Variants in PREX1 observed in about 807,000 individuals in gnomAD.
The protein encoded by PREX1 is phosphatidylinositol-3,4,5-trisphosphate dependent Rac exchange factor 1.
Under a neutral mutation model 198.3 loss-of-function variants are expected in PREX1, and 41 were observed. That is an observed-to-expected ratio of 0.21 (90% CI 0.16 to 0.27). The LOEUF is 0.27. Ranked by LOEUF, PREX1 falls within the 10% of genes least tolerant of loss-of-function variation. The pLI is 1.00. For synonymous variants in PREX1, 843 were observed against 887.2 expected (o/e 0.95, Z 0.89); for missense variants, 1,620 against 2,200.7 (o/e 0.74, Z 5.28).
chr20:48,767,893 C>T (rs1256611133), intron 1 of PREX1, among the ~76,000 whole-genome samples: 1 of 152,202 alleles, frequency 6.6e-6, no homozygotes, highest in Non-Finnish European at 1.5e-5. Flanking sequence ...AAGTCGCCCC[C>T]GAGCCACCCT....
chr20:48,865,186 T>A, the PREX1 span, among the ~76,000 whole-genome samples: 1 of 152,310 alleles, frequency 6.6e-6, no homozygotes, highest in East Asian at 1.9e-4. Flanking sequence ...CAGAGCAGTT[T>A]TCTAAAACAA....
chr20:48,740,973 T>G (rs1422460223), intron 3 of PREX1, among the ~76,000 whole-genome samples: 1 of 152,262 alleles, frequency 6.6e-6, no homozygotes, highest in Non-Finnish European at 1.5e-5. Flanking sequence ...CAAATTTCTC[T>G]TTTTAAATAA....
intron 5 of PREX1, among the ~76,000 whole-genome samples, chr20:48,716,188 C>T (rs751341209): frequency 2.6e-5 from 4 of 152,194 alleles, no homozygotes; most frequent in Admixed American, 6.5e-5. Flanking sequence ...CCCCAGCATC[C>T]GCCCCTCGAG....
chr20:48,867,354 G>A, the PREX1 span, among the ~76,000 whole-genome samples: 1 of 152,228 alleles, frequency 6.6e-6, no homozygotes, highest in Non-Finnish European at 1.5e-5. Flanking sequence ...GAATCATAGA[G>A]GCAGGAGAGA....
intron 1 of PREX1, among the ~76,000 whole-genome samples, chr20:48,750,210 C>T (rs1047918956): frequency 6.6e-6 from 1 of 152,142 alleles, no homozygotes; most frequent in African/African-American, 2.4e-5. Flanking sequence ...ACCACTGGTC[C>T]CCATCTCCAC....
At chr20:48,791,190 A>G (rs183774728) in intron 1 of PREX1, among the ~76,000 whole-genome samples, 1 of 152,320 alleles carries the variant, frequency 6.6e-6, no homozygotes, top group Admixed American at 6.5e-5. Flanking sequence ...TCCCTTCGGT[A>G]AACACAGACA....
At chr20:48,863,586 CTTTTTTT>C in the PREX1 span, among the ~76,000 whole-genome samples, 7 of 104,304 alleles carry the variant, frequency 6.7e-5, no homozygotes, top group African/African-American at 1.1e-4. Context: ...TTCATATTGT[CTTTTTTT>C]TTTTTTTTTT....
chr20:48,644,601 C>A, intron 26 of PREX1, 104 bp from the exon 27 acceptor site: 1 of 1,016,786 alleles, frequency 9.8e-7, no homozygotes, highest in Non-Finnish European at 1.4e-6. Flanking sequence ...CCCCTGGGCC[C>A]TCAGGTGGGC....
chr20:48,846,828 A>G, the PREX1 span, among the ~76,000 whole-genome samples: 3 of 151,730 alleles, frequency 2.0e-5, no homozygotes, highest in African/African-American at 7.3e-5. Context: ...CCTGCTGGAC[A>G]CTCCCGTCTA....
At chr20:48,640,001 T>C in intron 29 of PREX1, 107 bp from the exon 30 acceptor site, 3 of 1,418,190 alleles carry the variant, frequency 2.1e-6, no homozygotes, top group South Asian at 1.3e-5. Flanking sequence ...CTCATAATCC[T>C]AGATCAAGGG....
chr20:48,651,641 G>T, intron 21 of PREX1, 58 bp from the exon 22 acceptor site: 5 of 1,536,694 alleles, frequency 3.3e-6, no homozygotes, highest in Non-Finnish European at 4.4e-6. Context: ...GGAAGGCGAG[G>T]CGAGGAGGAT....
At position 48,652,696 on chromosome 20, in the gene PREX1, T is replaced by G. The variant is rs1601046664; in HGVS notation, c.2357A>C (p.Gln786Pro). 1.2e-6 allele frequency: 2 copies of G among 1,612,512 alleles called. No individual in the cohort carries two copies. Among genetic ancestry groups the G allele is most frequent in the Non-Finnish European group, 8.5e-7 (1 of 1,179,146 alleles). Residue 786 changes from glutamine (Q) to proline (P), a missense_variant, in exon 21 of 40, where the codon CAG becomes CCG. Gln to Pro is a moderately conservative substitution (Grantham distance 76). Around this residue, in one of 7 missense-constraint regions of PREX1, gnomAD observed 514 missense variants for 611.6 expected, o/e 0.84. Coordinates refer to ENST00000371941, the MANE Select transcript of PREX1 (RefSeq NM_020820.4). ...SRREEALGLY[Q>P]WIYHTHEDAQ... Reference sequence around the variant, plus strand: ...ATCCTCATGGGTGTGGTAGATCCACTGGTACAGGCCCTGCCAGAAGCCAGA... The same window carrying G: ...ATCCTCATGGGTGTGGTAGATCCACGGGTACAGGCCCTGCCAGAAGCCAGA...
chr20:48,765,221 T>C (rs1458709964), intron 1 of PREX1, among the ~76,000 whole-genome samples: 1 of 152,204 alleles, frequency 6.6e-6, no homozygotes, highest in Non-Finnish European at 1.5e-5. Context: ...TAGCTATACA[T>C]TTCATACATT....
At chr20:48,651,632 G>A (rs1406115149) in intron 21 of PREX1, 49 bp from the exon 22 acceptor site, 6 of 1,564,156 alleles carry the variant, frequency 3.8e-6, no homozygotes, top group Non-Finnish European at 4.3e-6. Flanking sequence ...AGGGAGGGAG[G>A]AAGGCGAGGC....
chr20:48,780,192 T>G (rs1435200822), intron 1 of PREX1, among the ~76,000 whole-genome samples: 1 of 152,212 alleles, frequency 6.6e-6, no homozygotes, highest in Non-Finnish European at 1.5e-5. Context: ...CTGCCCAGAT[T>G]AGGTTTCTAA....
rs765141285 is a variant in PREX1 at position 48,644,399 on chromosome 20, C to T, written c.3601+10G>A. On this transcript the variant is annotated intron_variant, in intron 27 of 39. Coordinates refer to ENST00000371941, the MANE Select transcript of PREX1 (RefSeq NM_020820.4). Reference sequence around the variant, plus strand: ...TCTCCCTGAGCACAGGCCGCTGCCACTCCACTCACCAGACCCCATCTCGTC... The same window carrying T: ...TCTCCCTGAGCACAGGCCGCTGCCATTCCACTCACCAGACCCCATCTCGTC... 1.2e-6 allele frequency: 2 copies of T among 1,611,082 alleles called. No individual in the cohort carries two copies. Among genetic ancestry groups the T allele is most frequent in the South Asian group, 1.1e-5 (1 of 90,846 alleles).
chr20:48,830,997 C>A (rs2090536064), upstream of PREX1, among the ~76,000 whole-genome samples: 1 of 152,172 alleles, frequency 6.6e-6, no homozygotes. Flanking sequence ...GCAAGAGGTC[C>A]AGAGGCAGTT....
chr20:48,717,017 T>C (rs557156636), intron 5 of PREX1, among the ~76,000 whole-genome samples: 1 of 152,326 alleles, frequency 6.6e-6, no homozygotes, highest in South Asian at 2.1e-4. Flanking sequence ...TTCTATTCTT[T>C]TTTTAAAAGT....
At chr20:48,637,132 C>T (rs2089371080) in intron 31 of PREX1, among the ~76,000 whole-genome samples, 1 of 152,212 alleles carries the variant, frequency 6.6e-6, no homozygotes, top group Non-Finnish European at 1.5e-5. Flanking sequence ...TTCTTCCTTC[C>T]CCCACCTCTG....
Sources: gnomAD v4.1 joint callset for allele counts (sites outside exome capture counted in the v4.1 genomes callset) on GRCh38, gnomAD v4.1.1 for gene constraint, gnomAD v4.1.1 regional missense constraint, MANE v1.5 for transcripts, NCBI Gene and HGNC (gene_info 2026-07-23, HGNC 2026-07-21) for gene names.